MED12L: variants seen among roughly 807,000 people sequenced by gnomAD.
MED12L encodes the protein mediator complex subunit 12L.
A neutral mutation model predicts 281.3 loss-of-function variants in MED12L; 60 were observed. That is an observed-to-expected ratio of 0.21 (90% confidence interval 0.17 to 0.26). The LOEUF (loss-of-function observed/expected upper bound fraction) is 0.26. MED12L is among the 10% of genes least tolerant of loss of function. The probability of loss-of-function intolerance (pLI) is 1.00; values close to 1 mark genes in which losing one functional copy is unlikely to be tolerated. For missense variants in MED12L, 2,146 were observed against 2,680.9 expected, an observed-to-expected ratio of 0.80 and a Z score of 4.41; for synonymous variants, 974 against 987.2, an observed-to-expected ratio of 0.99 and a Z score of 0.25.
chr3:151,153,678 C>T (rs1000180768), intron 5 of MED12L, among the ~76,000 whole-genome samples: 2 of 147,248 alleles, frequency 1.4e-5, no homozygotes, highest in African/African-American at 5.1e-5. Flanking sequence ...AAGTGATTCT[C>T]CTGCCTCAGC....
chr3:151,414,945 T>G (rs1030593343), intron 42 of MED12L, among the ~76,000 whole-genome samples: 1 of 152,236 alleles, frequency 6.6e-6, no homozygotes, highest in Non-Finnish European at 1.5e-5. Flanking sequence ...ATTAATGTTA[T>G]GACTATTATC....
intron 16 of MED12L, among the ~76,000 whole-genome samples, chr3:151,334,360 T>G (rs1750724374): frequency 6.6e-6 from 1 of 151,602 alleles, no homozygotes; most frequent in Non-Finnish European, 1.5e-5. Context: ...GTGTTGGCAG[T>G]GAACAGTGAT....
chr3:151,304,282 TA>T (rs1746338538), intron 16 of MED12L, among the ~76,000 whole-genome samples: 1 of 152,050 alleles, frequency 6.6e-6, no homozygotes, highest in Admixed American at 6.5e-5. Flanking sequence ...GTCTGGCATT[TA>T]AAAATGTTCT....
At chr3:151,407,296 C>T (rs546541844) in intron 39 of MED12L, among the ~76,000 whole-genome samples, 2 of 152,216 alleles carry the variant, frequency 1.3e-5, no homozygotes, top group Non-Finnish European at 2.9e-5. Context: ...CATCTGAATG[C>T]AGCTGTCACA....
intron 16 of MED12L, among the ~76,000 whole-genome samples, chr3:151,234,974 ACGTCATGGACGTGGTT>A (rs1349080437): frequency 6.6e-6 from 1 of 152,084 alleles, no homozygotes; most frequent in Non-Finnish European, 1.5e-5. Context: ...ATTTCTAACC[ACGTCATGGACGTGGTT>A]AACTTGTAGA....
intron 16 of MED12L, among the ~76,000 whole-genome samples, chr3:151,308,494 C>G (rs997667653): frequency 1.3e-5 from 2 of 152,056 alleles, no homozygotes; most frequent in Admixed American, 1.3e-4. Context: ...TGAATATGTT[C>G]TAAACTAAAT....
chr3:151,164,675 AATG>A (rs1372449992), intron 9 of MED12L, among the ~76,000 whole-genome samples: 1 of 152,212 alleles, frequency 6.6e-6, no homozygotes, highest in Non-Finnish European at 1.5e-5. Context: ...AACCATAAAA[AATG>A]ATGAGTTCAT....
intron 37 of MED12L, among the ~76,000 whole-genome samples, chr3:151,388,445 A>G (rs1231550531): frequency 6.6e-6 from 1 of 152,186 alleles, no homozygotes; most frequent in Non-Finnish European, 1.5e-5. Flanking sequence ...AGTGCCTCCT[A>G]ATTTCCTCGG....
At chr3:151,265,064 C>T (rs1739581158) in intron 16 of MED12L, among the ~76,000 whole-genome samples, 1 of 152,196 alleles carries the variant, frequency 6.6e-6, no homozygotes, top group Non-Finnish European at 1.5e-5. Flanking sequence ...TTTTCCAGAA[C>T]TCGCCATTAT....
chr3:151,277,505 T>C lies in MED12L; in HGVS notation c.2251-72554T>C, dbSNP rs1037191856. 2.6e-5 allele frequency among the ~76,000 whole-genome samples: 4 copies of C among 152,194 alleles called. No homozygotes were observed. In the South Asian group the frequency reaches 6.2e-4, roughly 24 times the overall value. On this transcript the variant is annotated intron_variant, in intron 16 of 44. Coordinates refer to ENST00000687756, the MANE Select transcript of MED12L (RefSeq NM_001393769.1). ...TATTTATTTTTTTACTAGTGTGATC[T>C]TTGATTCATTTTCTCCGTAGGATTG...
chr3:151,415,954 A>G (rs1350050973), intron 42 of MED12L, among the ~76,000 whole-genome samples: 2 of 152,248 alleles, frequency 1.3e-5, no homozygotes, highest in Non-Finnish European at 2.9e-5. Context: ...GTCCCCGTCC[A>G]ACCTGTAGTG....
intron 16 of MED12L, among the ~76,000 whole-genome samples, chr3:151,289,309 GC>G (rs1743949111): frequency 6.6e-6 from 1 of 152,162 alleles, no homozygotes; most frequent in South Asian, 2.1e-4. Context: ...GACGTAGAAA[GC>G]ACAAAGGATA....
rs181237120 is a variant in MED12L at position 151,268,252 on chromosome 3, C to G, written c.2250+74586C>G. Among the ~76,000 whole-genome samples, 462 of 131,468 alleles carry G rather than the reference C, an allele frequency of 3.5e-3. 3 individuals are homozygous for G. Among genetic ancestry groups the G allele is most frequent in the African/African-American group, 0.012 (442 of 36,264 alleles). The allele number at this position is 131,468 out of a possible 152,430, so 86.2% of individuals were successfully genotyped here. The stretch of plus-strand genomic sequence containing the variant: ...GAGTAATATCTTGTAACATTTATTA[C>G]TTATATATATATATAAGTCAGTTTT... On this transcript the variant is annotated intron_variant, in intron 16 of 44. Coordinates refer to ENST00000687756, the MANE Select transcript of MED12L (RefSeq NM_001393769.1).
In MED12L at chr3:151,204,261, A is replaced by T. The variant is rs141302001; in HGVS notation, c.2250+10595A>T. Reference sequence around the variant, plus strand: ...AGAAAAAAGAAGATACCTTTCCAGGATCTAAAATTAATCTCTTGGTATTAG... The same window carrying T: ...AGAAAAAAGAAGATACCTTTCCAGGTTCTAAAATTAATCTCTTGGTATTAG... On this transcript the variant is annotated intron_variant, in intron 16 of 44. Transcript: ENST00000687756. Among the ~76,000 whole-genome samples the T allele has an allele frequency of 7.1e-3, 1,080 of 152,308 alleles. 5 individuals carry two copies. Among genetic ancestry groups the T allele is most frequent in the Non-Finnish European group, 0.011 (743 of 68,020 alleles).
chr3:151,243,737 T>C (rs1734746068), intron 16 of MED12L, among the ~76,000 whole-genome samples: 1 of 151,864 alleles, frequency 6.6e-6, no homozygotes, highest in Non-Finnish European at 1.5e-5. Flanking sequence ...GCTAACATCA[T>C]CATGACAGGA....
At chr3:151,103,291 C>T (rs1360946368) in intron 2 of MED12L, among the ~76,000 whole-genome samples, 1 of 152,130 alleles carries the variant, frequency 6.6e-6, no homozygotes, top group African/African-American at 2.4e-5. Flanking sequence ...GGGTGATATG[C>T]ATTTGAATGT....
chr3:151,242,475 C>T (rs991688093), intron 16 of MED12L, among the ~76,000 whole-genome samples: 4 of 151,872 alleles, frequency 2.6e-5, no homozygotes, highest in African/African-American at 7.3e-5. Flanking sequence ...CCCTGAGCAG[C>T]CTAACTGGGA....
chr3:151,414,383 T>C (rs1462088598), intron 42 of MED12L, among the ~76,000 whole-genome samples: 1 of 152,192 alleles, frequency 6.6e-6, no homozygotes, highest in Non-Finnish European at 1.5e-5. Flanking sequence ...CTAGTAGAGC[T>C]GGAGTGCCCA....
chr3:151,333,693 A>G (rs1009474861), intron 16 of MED12L, among the ~76,000 whole-genome samples: 1 of 152,216 alleles, frequency 6.6e-6, no homozygotes, highest in Non-Finnish European at 1.5e-5. Context: ...TTATTGGTTC[A>G]GTCCTTCTAG....
Sources: allele counts gnomAD v4.1 joint callset (sites outside exome capture counted in the v4.1 genomes callset), GRCh38; gene constraint gnomAD v4.1.1; transcripts MANE v1.5; gene names NCBI Gene and HGNC (gene_info 2026-07-23, HGNC 2026-07-21).